Variants in XRRA1 observed in about 807,000 individuals in gnomAD.
XRRA1 encodes the protein X-ray radiation resistance associated 1, also known as X-ray radiation resistance-associated protein 1.
In XRRA1, 69 loss-of-function variants were observed where a neutral mutation model predicts 80.2. That is an observed-to-expected ratio of 0.86 (90% confidence interval 0.71 to 1.05). XRRA1 has a LOEUF of 1.05. Ranked by LOEUF, XRRA1 falls within the 50% of genes least tolerant of loss-of-function variation. The pLI is 0.00. For synonymous variants in XRRA1, 348 were observed against 389.9 expected, an observed-to-expected ratio of 0.89 and a Z score of 1.27; for missense variants, 967 against 976.4, an observed-to-expected ratio of 0.99 and a Z score of 0.13.
chr11:74,934,839 G>A (rs1271426150), intron 4 of XRRA1, among the ~76,000 whole-genome samples: 2 of 152,180 alleles, frequency 1.3e-5, no homozygotes, highest in South Asian at 2.1e-4. Context: ...TATAAAAATT[G>A]TAATGTCGGA....
intron 5 of XRRA1, 133 bp downstream of exon 5, chr11:74,933,668 C>A: frequency 1.4e-6 from 1 of 706,372 alleles, no homozygotes; most frequent in African/African-American, 1.8e-5. Context: ...GTCTGACTCT[C>A]CTCTCCCTCC....
chr11:74,933,941 C>T lies in XRRA1; in HGVS notation c.280-69G>A. 3 of 1,391,982 alleles carry T rather than the reference C, an allele frequency of 2.2e-6. No homozygotes were observed. The Admixed American group carries it at 6.0e-5, about 28-fold the overall frequency. The allele number at this position is 1,391,982 out of a possible 1,614,324, so 86.2% of individuals were successfully genotyped here. A position where few individuals can be genotyped will look rare whatever the true frequency, so the allele number is the denominator to read the frequency against. The stretch of plus-strand genomic sequence containing the variant: ...GTTTAATTAATCTATTACCACTCAG[C>T]CTTCTCTTGTTGGGCAATCATATAC... On this transcript the variant is annotated intron_variant, in intron 4 of 18. Coordinates refer to ENST00000684022, the MANE Select transcript of XRRA1 (RefSeq NM_001378157.1).
intron 12 of XRRA1, among the ~76,000 whole-genome samples, chr11:74,858,668 AC>A (rs2041672420): frequency 6.6e-6 from 1 of 151,944 alleles, no homozygotes; most frequent in Non-Finnish European, 1.5e-5. Context: ...CACTTGACTC[AC>A]CCCTCTTCAC....
chr11:74,936,975 T>C lies in XRRA1; in HGVS notation c.188A>G (p.Lys63Arg). The C allele has an allele frequency of 1.9e-6, 3 of 1,613,856 alleles. No homozygotes were observed. Among genetic ancestry groups the C allele is most frequent in the Middle Eastern group, 3.3e-4 (2 of 6,062 alleles). Reference protein sequence around the residue: ...GAQAERRESLKATSFEFKGKK... With the variant: ...GAQAERRESLRATSFEFKGKK... ...CCCCTTGAACTCAAAAGAAGTCGCC[T>C]TCAGGCTTTCCCGACGTTCAGCTTG... The change falls in exon 4 of 19, where the codon AAG (lysine) becomes AGG (arginine). Residue 63 changes from lysine to arginine, a missense_variant. By Grantham distance (26) the Lys-to-Arg change is conservative (BLOSUM62 2). Coordinates refer to ENST00000684022, the MANE Select transcript of XRRA1 (RefSeq NM_001378157.1).
intron 8 of XRRA1, among the ~76,000 whole-genome samples, chr11:74,916,809 G>T (rs1002550134): frequency 4.3e-4 from 65 of 151,898 alleles, no homozygotes; most frequent in Non-Finnish European, 8.5e-4. Context: ...GGTTTGCTGG[G>T]TTTTTTTGTT....
chr11:74,916,698 T>C (rs1479239358), intron 8 of XRRA1, among the ~76,000 whole-genome samples: 1 of 152,212 alleles, frequency 6.6e-6, no homozygotes, highest in African/African-American at 2.4e-5. Context: ...TGGGCCATAT[T>C]TTTCTGTTTC....
At chr11:74,922,408 G>C (rs752816096) in intron 7 of XRRA1, among the ~76,000 whole-genome samples, 1 of 152,104 alleles carries the variant, frequency 6.6e-6, no homozygotes, top group Non-Finnish European at 1.5e-5. Flanking sequence ...GGGTCAGTCA[G>C]AAAACCGTGT....
intron 3 of XRRA1, among the ~76,000 whole-genome samples, chr11:74,940,434 T>A (rs752210668): frequency 3.3e-5 from 5 of 151,948 alleles, no homozygotes; most frequent in Non-Finnish European, 5.9e-5. Flanking sequence ...CTAACAAGAA[T>A]GAGGGCTGGA....
At chr11:74,870,438 C>T (rs1280434766) in intron 10 of XRRA1, among the ~76,000 whole-genome samples, 5 of 152,152 alleles carry the variant, frequency 3.3e-5, no homozygotes, top group South Asian at 2.1e-4. Context: ...TCTTTCCTGT[C>T]GACTGCCATG....
chr11:74,909,142 A>G lies in XRRA1; in HGVS notation c.657-1869T>C, dbSNP rs1404794301. ...TATAGATTATGACAGTTCTGACTGG[A>G]AAAAGGGACAGGTCAGATAAACTTT... On this transcript the variant is annotated intron_variant, in intron 8 of 18. Transcript: ENST00000684022. Among the ~76,000 whole-genome samples, 6 of 152,178 alleles carry G rather than the reference A, an allele frequency of 3.9e-5. 1 individual carries two copies. Among genetic ancestry groups the G allele is most frequent in the Non-Finnish European group, 8.8e-5 (6 of 68,028 alleles).
chr11:74,868,776 G>A (rs1429435834), intron 10 of XRRA1, among the ~76,000 whole-genome samples: 2 of 151,710 alleles, frequency 1.3e-5, no homozygotes, highest in African/African-American at 4.8e-5. Flanking sequence ...TTATATAATG[G>A]TAAAGAGCTC....
In XRRA1 at chr11:74,884,495, T is replaced by C. The variant is rs146939109; in HGVS notation, c.1004-21474A>G. On this transcript the variant is annotated intron_variant, in intron 10 of 18. Transcript: ENST00000684022. ...GTTTTTAGTGTCTATGCACACCTGG[T>C]CTAATCAATCTTTTGCACCCTATGT... Among the ~76,000 whole-genome samples, 302 of 152,266 alleles carry C rather than the reference T, an allele frequency of 2.0e-3. 1 individual carries two copies. The highest frequency in any genetic ancestry group is 6.7e-3 in the African/African-American group (278 of 41,530).
intron 2 of XRRA1, among the ~76,000 whole-genome samples, chr11:74,943,524 G>GGGGTGTGTGTGTGTGTGTGT (rs1330173160): frequency 1.6e-4 from 22 of 137,856 alleles, no homozygotes; most frequent in African/African-American, 4.3e-4. Flanking sequence ...AGAGTAGGAG[G>GGGGTGTGTGTGTGTGTGTGT]GTGTGTGTGT....
chr11:74,883,319 C>A (rs1454197854), intron 10 of XRRA1, among the ~76,000 whole-genome samples: 1 of 152,182 alleles, frequency 6.6e-6, no homozygotes, highest in East Asian at 1.9e-4. Flanking sequence ...GAAGGGAACT[C>A]CCTGACCCCT....
chr11:74,857,497 G>A (rs1364647514), intron 12 of XRRA1, among the ~76,000 whole-genome samples: 2 of 152,102 alleles, frequency 1.3e-5, no homozygotes. Context: ...AGAACTAAAG[G>A]GAGAAATAAG....
chr11:74,850,011 C>A lies in XRRA1; in HGVS notation c.1380+1077G>T, dbSNP rs149871777. ...CAGGACTAAGTCACGTTCTTCAGTC[C>A]AGAATAGAGGGTGTTTGCCTACATT... On this transcript the variant is annotated intron_variant, in intron 14 of 18. Coordinates refer to ENST00000684022, the MANE Select transcript of XRRA1 (RefSeq NM_001378157.1). Among the ~76,000 whole-genome samples the A allele has an allele frequency of 1.9e-3, 289 of 152,334 alleles. 7 individuals are homozygous for A. In the East Asian group the frequency reaches 0.034, roughly 18 times the overall value.
At chr11:74,916,179 G>A (rs1938605203) in intron 8 of XRRA1, among the ~76,000 whole-genome samples, 1 of 152,120 alleles carries the variant, frequency 6.6e-6, no homozygotes, top group Admixed American at 6.6e-5. Context: ...AGTTCACTGA[G>A]CCTCATGTAT....
At chr11:74,870,197 T>A (rs1205650720) in intron 10 of XRRA1, among the ~76,000 whole-genome samples, 6 of 152,224 alleles carry the variant, frequency 3.9e-5, no homozygotes, top group Non-Finnish European at 5.9e-5. Context: ...ACTTAGTGAA[T>A]CCCTCGGTAC....
rs749954474 is a variant in XRRA1, at chr11:74,907,242, TCTTG to T, written c.684_687del (p.Ser228ArgfsTer5). 1 of 1,613,952 alleles carries T rather than the reference TCTTG, an allele frequency of 6.2e-7. No individual in the cohort carries two copies. The highest frequency in any genetic ancestry group is 1.1e-5 in the South Asian group (1 of 91,076). On this transcript the variant is annotated frameshift_variant, in exon 9 of 19. Coordinates refer to ENST00000684022, the MANE Select transcript of XRRA1 (RefSeq NM_001378157.1). LOFTEE classifies it high-confidence loss of function. ...AGCGCTGGGAACCTCAGGATGTACC[TCTTG>T]CTTGTCAGCGATGTTACAGATGCCT...
Sources: allele counts gnomAD v4.1 joint callset (sites outside exome capture counted in the v4.1 genomes callset), GRCh38; gene constraint gnomAD v4.1.1; transcripts MANE v1.5; gene names NCBI Gene and HGNC (gene_info 2026-07-23, HGNC 2026-07-21).